TARBP1: variants seen among roughly 807,000 people sequenced by gnomAD.
TARBP1 encodes the protein tRNA (guanosine(18)-2'-O)-methyltransferase TARBP1.
TARBP1 carries 144 observed loss-of-function variants against 178.6 expected under a neutral mutation model. That is an observed-to-expected ratio of 0.81 (90% CI 0.70 to 0.93). The LOEUF is 0.93. Among genes scored for constraint, TARBP1 ranks in the 40% least tolerant of loss-of-function variants. The probability of loss-of-function intolerance (pLI) is 0.00; values close to 1 mark genes in which losing one functional copy is unlikely to be tolerated. For missense variants in TARBP1, 2,067 were observed against 2,011.7 expected (o/e 1.03, Z -0.53); for synonymous variants, 787 against 781.0 (o/e 1.01, Z -0.13).
Position 234,429,409 on chromosome 1 carries a change from A to G in TARBP1, c.2871+7T>C, listed in dbSNP as rs753511443. 1.6e-5 allele frequency: 25 copies of G among 1,607,334 alleles called. No individual in the cohort carries two copies. In the African/African-American group the frequency reaches 3.1e-4, roughly 20 times the overall value. On this transcript the variant is annotated splice_region_variant and intron_variant, in intron 16 of 29. Coordinates refer to ENST00000040877, the MANE Select transcript of TARBP1 (RefSeq NM_005646.4). The stretch of plus-strand genomic sequence containing the variant: ...TACTGTTCAATTCATGTTTCACTCT[A>G]TCTTACCTTGGGAACCAACACTTTC...
intron 3 of TARBP1, among the ~76,000 whole-genome samples, chr1:234,470,170 GGC>G (rs1668897081): frequency 6.6e-6 from 1 of 151,876 alleles, no homozygotes; most frequent in East Asian, 1.9e-4. Context: ...GGGAGGCCGA[GGC>G]AAAAAAATTG....
chr1:234,472,219 C>A (rs1181056516), intron 2 of TARBP1, among the ~76,000 whole-genome samples: 1 of 147,122 alleles, frequency 6.8e-6, no homozygotes, highest in Non-Finnish European at 1.5e-5. Flanking sequence ...GTCCCAGCTA[C>A]TTGGGAGGCT....
chr1:234,420,073 T>G (rs1195231042), intron 21 of TARBP1, among the ~76,000 whole-genome samples: 1 of 152,248 alleles, frequency 6.6e-6, no homozygotes, highest in Non-Finnish European at 1.5e-5. Flanking sequence ...CATCACTTTC[T>G]CATAATGATG....
At chr1:234,443,142 T>C (rs1665765088) in intron 12 of TARBP1, among the ~76,000 whole-genome samples, 1 of 151,582 alleles carries the variant, frequency 6.6e-6, no homozygotes, top group Admixed American at 6.6e-5. Flanking sequence ...AATACAAAAT[T>C]AGCCAGGCAT....
rs79055848 is a variant in TARBP1, at chr1:234,436,059, A to G, written c.2232+1216T>C. On this transcript the variant is annotated intron_variant, in intron 13 of 29. Transcript: ENST00000040877. ...AATTTATTAAAGAATGGCTTTTTCAAAACAACTTAAAACTATCATATATGG... is the reference window on the plus strand; with the variant it reads ...AATTTATTAAAGAATGGCTTTTTCAGAACAACTTAAAACTATCATATATGG... Among the ~76,000 whole-genome samples, 786 of 151,922 alleles carry G rather than the reference A, an allele frequency of 5.2e-3. 48 individuals are homozygous for G. The East Asian group carries it at 0.12, about 22-fold the overall frequency.
Position 234,427,620 on chromosome 1 carries a change from G to A in TARBP1, c.3207C>T (p.Ile1069=). The A allele has an allele frequency of 1.3e-6, 2 of 1,599,432 alleles. No individual in the cohort carries two copies. Among genetic ancestry groups the A allele is most frequent in the South Asian group, 1.1e-5 (1 of 87,566 alleles). ...CAGTTCCAAATATACAAGCCTCAAG[G>A]ATAAGTTCGCTATAATTTTTAGCAC... is the stretch of plus-strand genomic sequence containing the variant. ...LSSAKNYSEL[I]LEACIFGTVF... Residue 1069 remains isoleucine, a synonymous_variant, in exon 18 of 30, where the codon ATC becomes ATT. Transcript: ENST00000040877.
At chr1:234,472,693 C>CTAAAATAGA in intron 2 of TARBP1, 21 bp downstream of exon 2, 2 of 1,526,648 alleles carry the variant, frequency 1.3e-6, no homozygotes, top group Non-Finnish European at 1.8e-6. Context: ...GTAGGATTTG[C>CTAAAATAGA]TAAAATAGAA....
chr1:234,434,552 G>A (rs373506749), intron 13 of TARBP1, among the ~76,000 whole-genome samples: 7 of 152,300 alleles, frequency 4.6e-5, no homozygotes, highest in African/African-American at 1.7e-4. Context: ...CATTCACTGC[G>A]ACAGTAACCT....
chr1:234,434,308 A>G (rs1664789185), intron 13 of TARBP1, among the ~76,000 whole-genome samples: 1 of 152,232 alleles, frequency 6.6e-6, no homozygotes, highest in South Asian at 2.1e-4. Flanking sequence ...CTATATTAAT[A>G]TATCATTACT....
intron 8 of TARBP1, among the ~76,000 whole-genome samples, chr1:234,458,243 C>A (rs1285168107): frequency 6.6e-6 from 1 of 152,028 alleles, no homozygotes; most frequent in Non-Finnish European, 1.5e-5. Flanking sequence ...ACTTGGGAGG[C>A]TGAGGCAGGA....
intron 12 of TARBP1, among the ~76,000 whole-genome samples, chr1:234,439,318 A>G (rs906304146): frequency 5.3e-5 from 8 of 152,222 alleles, no homozygotes; most frequent in African/African-American, 1.9e-4. Context: ...AAATGTAAAT[A>G]TAAGACAACT....
At position 234,433,394 on chromosome 1, in the gene TARBP1, A is replaced by C. The variant is rs1162932359; in HGVS notation, c.2394+16T>G. On this transcript the variant is annotated intron_variant, in intron 14 of 29. Coordinates refer to ENST00000040877, the MANE Select transcript of TARBP1 (RefSeq NM_005646.4). Reference sequence around the variant, plus strand: ...TTATTCAAGATAACTACAAACCTTGAATCAAAGAGGCTTACCTGTCCACTG... The same window carrying C: ...TTATTCAAGATAACTACAAACCTTGCATCAAAGAGGCTTACCTGTCCACTG... The C allele has an allele frequency of 1.9e-6, 3 of 1,610,264 alleles. No homozygotes were observed. The highest frequency in any genetic ancestry group is 2.5e-6 in the Non-Finnish European group (3 of 1,179,112).
intron 1 of TARBP1, among the ~76,000 whole-genome samples, chr1:234,477,624 T>C (rs1449957674): frequency 6.6e-6 from 1 of 152,352 alleles, no homozygotes; most frequent in East Asian, 1.9e-4. Flanking sequence ...ATTCATTCTA[T>C]TAAATCAATG....
At chr1:234,476,434 A>G (rs1669576227) in intron 1 of TARBP1, among the ~76,000 whole-genome samples, 1 of 152,222 alleles carries the variant, frequency 6.6e-6, no homozygotes, top group African/African-American at 2.4e-5. Flanking sequence ...AGGTCTGTGC[A>G]CCAGGCACAG....
At chr1:234,469,060 CTTTTT>C (rs765324709) in intron 3 of TARBP1, among the ~76,000 whole-genome samples, 1 of 68,560 alleles carries the variant, frequency 1.5e-5, no homozygotes, top group African/African-American at 5.3e-5. Context: ...CGGTTTTTGC[CTTTTT>C]TTTTTTTTTT....
At chr1:234,411,077 A>C (rs901764805) in intron 22 of TARBP1, among the ~76,000 whole-genome samples, 1 of 152,210 alleles carries the variant, frequency 6.6e-6, no homozygotes, top group African/African-American at 2.4e-5. Context: ...CTCAAAAAAA[A>C]ACATAAAATA....
intron 9 of TARBP1, among the ~76,000 whole-genome samples, chr1:234,455,980 C>T (rs1448068099): frequency 2.6e-5 from 4 of 152,006 alleles, no homozygotes; most frequent in African/African-American, 9.7e-5. Context: ...AATAAAGTCA[C>T]CAAATGCTAT....
At chr1:234,465,255 C>A (rs985286066) in intron 5 of TARBP1, among the ~76,000 whole-genome samples, 2 of 152,168 alleles carry the variant, frequency 1.3e-5, no homozygotes, top group African/African-American at 4.8e-5. Flanking sequence ...AATGAGAATT[C>A]TTTGGATTAT....
At chr1:234,474,279 C>CAA (rs1316750033) in intron 1 of TARBP1, among the ~76,000 whole-genome samples, 1 of 61,984 alleles carries the variant, frequency 1.6e-5, no homozygotes, top group Non-Finnish European at 4.0e-5. Flanking sequence ...CACACACACA[C>CAA]ACACACACAA....
Sources: allele counts gnomAD v4.1 joint callset (sites outside exome capture counted in the v4.1 genomes callset), GRCh38; gene constraint gnomAD v4.1.1; transcripts MANE v1.5; gene names NCBI Gene and HGNC (gene_info 2026-07-23, HGNC 2026-07-21).